Variants in ZNF667 observed in about 807,000 individuals in gnomAD.
ZNF667 encodes the protein myocardial ischemic preconditioning upregulated 1 ortholog.
ZNF667 carries 13 observed loss-of-function variants against 31.8 expected under a neutral mutation model. The observed-to-expected ratio is 0.41, with a 90% CI of 0.27 to 0.65. The LOEUF (loss-of-function observed/expected upper bound fraction) is 0.65. Among genes scored for constraint, ZNF667 ranks in the 30% least tolerant of loss-of-function variants. The pLI, the probability that ZNF667 is intolerant of heterozygous loss-of-function variation, is 0.32. For missense variants in ZNF667, 642 were observed against 725.6 expected, an observed-to-expected ratio of 0.88 and a Z score of 1.32; for synonymous variants, 228 against 247.1, an observed-to-expected ratio of 0.92 and a Z score of 0.73.
At chr19:56,443,037 G>A (rs1310868997) in intron 6 of ZNF667, among the ~76,000 whole-genome samples, 1 of 152,142 alleles carries the variant, frequency 6.6e-6, no homozygotes, top group African/African-American at 2.4e-5. Context: ...ATAAATGTAT[G>A]TTTATTAGAG....
At position 56,442,255 on chromosome 19, in the gene ZNF667, T is replaced by A. The variant is rs2147660779; in HGVS notation, c.740A>T (p.His247Leu). ...CQSFNIHQKI[H>L]VVGNVCQCRK... is the part of the protein sequence containing the mutation. ...GCACTGGCAGACATTCCCAACAACA[T>A]GAATTTTCTGATGTATATTGAAAGA... Residue 247 changes from histidine to leucine, a missense_variant, in exon 7 of 7, where the codon CAT becomes CTT. By Grantham distance (99) the His-to-Leu change is moderately conservative (BLOSUM62 -3). Coordinates refer to ENST00000504904, the MANE Select transcript of ZNF667 (RefSeq NM_001321356.2). 6.2e-7 allele frequency: 1 copy of A among 1,614,186 alleles called. No homozygotes were observed. The highest frequency in any genetic ancestry group is 8.5e-7 in the Non-Finnish European group (1 of 1,180,018).
At chr19:56,443,927 A>C (rs2147674143) in intron 6 of ZNF667, among the ~76,000 whole-genome samples, 1 of 152,336 alleles carries the variant, frequency 6.6e-6, no homozygotes, top group Non-Finnish European at 1.5e-5. Context: ...ATGCTATCCA[A>C]TATAGTAGCC....
intron 5 of ZNF667, among the ~76,000 whole-genome samples, chr19:56,458,729 C>A (rs916005705): frequency 1.3e-5 from 2 of 152,168 alleles, no homozygotes; most frequent in African/African-American, 4.8e-5. Context: ...TTGCTGACCA[C>A]GTGGAAGGTG....
At chr19:56,443,693 G>C (rs2042665142) in intron 6 of ZNF667, among the ~76,000 whole-genome samples, 1 of 152,158 alleles carries the variant, frequency 6.6e-6, no homozygotes, top group African/African-American at 2.4e-5. Flanking sequence ...GCATATGACT[G>C]TATTTAGATA....
rs776553770 is a variant in ZNF667 at position 56,441,548 on chromosome 19, G to A, written c.1447C>T (p.Arg483Ter). ...CTCTTATGTCGTGTGAGAGATATTC[G>A]GTGGCTGAAGGCTTTTCCACATTCC... ...CEECGKAFSH[R>*]ISLTRHKRIH... Residue 483 changes from arginine to a stop codon, truncating the protein, a stop_gained, in exon 7 of 7, where the codon CGA becomes TGA. Coordinates refer to ENST00000504904, the MANE Select transcript of ZNF667 (RefSeq NM_001321356.2). LOFTEE classifies it high-confidence loss of function. This position sits in a 1 kb window ranked among gnomAD's most constrained non-coding sequence, Gnocchi z 4.2. 5.6e-6 allele frequency: 9 copies of A among 1,614,098 alleles called. No homozygotes were observed. Among genetic ancestry groups the A allele is most frequent in the East Asian group, 2.2e-5 (1 of 44,882 alleles).
At chr19:56,467,116 G>A (rs1436817913) in intron 3 of ZNF667, 1 of 453,684 alleles carries the variant, frequency 2.2e-6, no homozygotes, top group South Asian at 1.6e-5. Flanking sequence ...GGTCCAGGAG[G>A]GGCCTCTAAT....
intron 3 of ZNF667, among the ~76,000 whole-genome samples, chr19:56,463,714 C>CA (rs1260743254): frequency 2.6e-5 from 4 of 151,982 alleles, no homozygotes; most frequent in Non-Finnish European, 5.9e-5. Context: ...TTTTCAGAGA[C>CA]AGAGTTTTGC....
In ZNF667 at chr19:56,441,135, C is replaced by T. The variant is rs541108995; in HGVS notation, c.*27G>A. ...TTGCCATATGTTTGATAGCCTCATT[C>T]GTTGATTTTATAGATTTAAAACAAC... is the stretch of plus-strand genomic sequence containing the variant. On this transcript the variant is annotated 3_prime_UTR_variant, in exon 7 of 7. Transcript: ENST00000504904. This position sits in a 1 kb window ranked among gnomAD's most constrained non-coding sequence, Gnocchi z 4.2. 44 of 1,569,126 alleles carry T rather than the reference C, an allele frequency of 2.8e-5. No individual in the cohort carries two copies. In the East Asian group the frequency reaches 5.9e-4, roughly 21 times the overall value.
Position 56,441,651 on chromosome 19 carries a change from A to G in ZNF667, c.1344T>C (p.Cys448=). 1 of 1,614,090 alleles carries G rather than the reference A, an allele frequency of 6.2e-7. No homozygotes were observed. Among genetic ancestry groups the G allele is most frequent in the Non-Finnish European group, 8.5e-7 (1 of 1,180,020 alleles). Residue 448 remains cysteine (C), a synonymous_variant, in exon 7 of 7, where the codon TGT becomes TGC. Coordinates refer to ENST00000504904, the MANE Select transcript of ZNF667 (RefSeq NM_001321356.2). The surrounding 1 kb of genome is among the most constrained non-coding windows in gnomAD (Gnocchi z 4.2). The part of the protein sequence containing the change: ...SEEKPFKCNK[C]SKVFGRQSFL... ...ATGATTGGCGGCCGAAAACTTTACT[A>G]CATTTATTGCATTTGAAAGGTTTCT...
chr19:56,460,770 C>T lies in ZNF667; in HGVS notation c.79G>A (p.Glu27Lys). ...TGAATGGGGCTCAGCCATTCCCACTCCTCCTGGGAGAAGTAGATGGCTAAG... is the reference window on the plus strand; with the variant it reads ...TGAATGGGGCTCAGCCATTCCCACTTCTCCTGGGAGAAGTAGATGGCTAAG... Reference protein sequence around the residue: ...GDLAIYFSQEEWEWLSPIQKD... With the variant: ...GDLAIYFSQEKWEWLSPIQKD... The change falls in exon 5 of 7, where the codon GAG becomes AAG. Residue 27 changes from glutamate to lysine, a missense_variant. Transcript: ENST00000504904. 2 of 1,611,604 alleles carry T rather than the reference C, an allele frequency of 1.2e-6. No homozygotes were observed. The highest frequency in any genetic ancestry group is 1.7e-6 in the Non-Finnish European group (2 of 1,179,084).
intron 3 of ZNF667, among the ~76,000 whole-genome samples, chr19:56,466,155 C>A (rs1379395015): frequency 6.6e-6 from 1 of 152,212 alleles, no homozygotes; most frequent in African/African-American, 2.4e-5. Flanking sequence ...GGGAGCCTGG[C>A]CCTGGCTTCC....
At chr19:56,463,743 C>G (rs1364144388) in intron 3 of ZNF667, among the ~76,000 whole-genome samples, 1 of 152,136 alleles carries the variant, frequency 6.6e-6, no homozygotes, top group Non-Finnish European at 1.5e-5. Context: ...CCAGGCTGGT[C>G]TCAAACTCCT....
intron 3 of ZNF667, among the ~76,000 whole-genome samples, chr19:56,462,708 T>G (rs1194139951): frequency 6.6e-6 from 1 of 152,206 alleles, no homozygotes; most frequent in African/African-American, 2.4e-5. Flanking sequence ...AAGTATTTAC[T>G]GAGCACCTAC....
chr19:56,451,868 C>CAAAAAAAA lies in ZNF667; in HGVS notation c.253+6279_253+6286dup, dbSNP rs71184363. On this transcript the variant is annotated intron_variant, in intron 6 of 6. Transcript: ENST00000504904. ...TGGGTGACAGAGCAAGACCCTGTCT[C>CAAAAAAAA]AAAAAAAAAAAAAAAAAAAAAAAAA... 3.7e-3 allele frequency among the ~76,000 whole-genome samples: 303 copies of CAAAAAAAA among 80,916 alleles called. 11 individuals are homozygous for CAAAAAAAA. The highest frequency in any genetic ancestry group is 8.6e-3 in the African/African-American group (161 of 18,676). The allele number at this position is 80,916 out of a possible 152,430, so 53.1% of individuals were successfully genotyped here.
In ZNF667 at chr19:56,442,001, A is replaced by G; in HGVS notation, c.994T>C (p.Cys332Arg). Residue 332 changes from cysteine to arginine, a missense_variant, in exon 7 of 7, where the codon TGC (cysteine) becomes CGC (arginine). Transcript: ENST00000504904. ...RSHHLENPFK[C>R]RKCGKLFNRI... ...TTAAATAATTTCCCACATTTTCTGCATTTAAAAGGATTCTCTAAATGGTGA... is the reference window on the plus strand; with the variant it reads ...TTAAATAATTTCCCACATTTTCTGCGTTTAAAAGGATTCTCTAAATGGTGA... 1 of 1,614,044 alleles carries G rather than the reference A, an allele frequency of 6.2e-7. No individual in the cohort carries two copies. Among genetic ancestry groups the G allele is most frequent in the African/African-American group, 1.3e-5 (1 of 75,050 alleles).
At chr19:56,458,087 A>G (rs999438448) in intron 6 of ZNF667, 68 bp downstream of exon 6, 2 of 1,369,734 alleles carry the variant, frequency 1.5e-6, no homozygotes, top group Admixed American at 3.4e-5. Flanking sequence ...TAAGTCACCT[A>G]ATATATGGCA....
At position 56,442,593 on chromosome 19, in the gene ZNF667, A is replaced by AG; in HGVS notation, c.401dup (p.Lys135Ter). ...GTTTCTTCCCTGAATGCCCTTTCTT[A>AG]GGTTTTACTAGGACTGAATTTTTGT... On this transcript the variant is annotated frameshift_variant, in exon 7 of 7. Transcript: ENST00000504904. LOFTEE classifies it low-confidence loss of function (END_TRUNC). 6.2e-7 allele frequency: 1 copy of AG among 1,614,066 alleles called. No homozygotes were observed. The highest frequency in any genetic ancestry group is 8.5e-7 in the Non-Finnish European group (1 of 1,179,982).
At chr19:56,455,764 G>GTACAATAGGA (rs373817515) in intron 6 of ZNF667, among the ~76,000 whole-genome samples, 53 of 152,266 alleles carry the variant, frequency 3.5e-4, no homozygotes, top group African/African-American at 1.3e-3. Flanking sequence ...AACTGAGAGA[G>GTACAATAGGA]TACAATAGGA....
At chr19:56,462,504 C>A in intron 3 of ZNF667, 75 bp from the exon 4 acceptor site, 1 of 884,938 alleles carries the variant, frequency 1.1e-6, no homozygotes, top group Non-Finnish European at 1.9e-6. Flanking sequence ...CACACACACA[C>A]ACAGACACAC....
Sources: allele counts gnomAD v4.1 joint callset (sites outside exome capture counted in the v4.1 genomes callset), GRCh38; gene constraint gnomAD v4.1.1; non-coding constraint Gnocchi (gnomAD v3.1); transcripts MANE v1.5; gene names NCBI Gene and HGNC (gene_info 2026-07-23, HGNC 2026-07-21).